Variants in LARGE1 observed in about 807,000 individuals in gnomAD.
LARGE1 encodes xylosyl- and glucuronyltransferase LARGE1.
In LARGE1, 43 loss-of-function variants were observed where a neutral mutation model predicts 87.6. The ratio of observed to expected loss-of-function variants is 0.49; its 90% CI spans 0.38 to 0.63. The LOEUF is 0.63. Ranked by LOEUF, LARGE1 falls within the 30% of genes least tolerant of loss-of-function variation. LARGE1 has a pLI of 0.00. For missense variants in LARGE1, 802 were observed against 1,000.2 expected (o/e 0.80, Z 2.67); for synonymous variants, 434 against 394.6 (o/e 1.10, Z -1.18).
At chr22:33,771,396 GAT>G (rs2085064941) in intron 1 of LARGE1, among the ~76,000 whole-genome samples, 1 of 152,112 alleles carries the variant, frequency 6.6e-6, no homozygotes, top group Admixed American at 6.5e-5. Flanking sequence ...CAGGCTGGCA[GAT>G]ATGTTTCAGT....
At chr22:33,670,696 T>C (rs1212062865) in intron 2 of LARGE1, among the ~76,000 whole-genome samples, 5 of 152,188 alleles carry the variant, frequency 3.3e-5, no homozygotes, top group East Asian at 3.9e-4. Flanking sequence ...GAACTTGCTA[T>C]GATAAAAAAC....
intron 2 of LARGE1, among the ~76,000 whole-genome samples, chr22:33,749,614 G>GT: frequency 6.6e-6 from 1 of 152,318 alleles, no homozygotes; most frequent in Middle Eastern, 3.4e-3. Flanking sequence ...TGTTTAGGCT[G>GT]TAAGCCAGCC....
At chr22:33,133,703 G>T in the LARGE1 span, among the ~76,000 whole-genome samples, 1 of 152,148 alleles carries the variant, frequency 6.6e-6, no homozygotes, top group African/African-American at 2.4e-5. Context: ...CCACTAATGG[G>T]ATTGCTGGGT....
intron 1 of LARGE1, among the ~76,000 whole-genome samples, chr22:33,902,897 C>T (rs2065324418): frequency 6.6e-6 from 1 of 152,106 alleles, no homozygotes; most frequent in Admixed American, 6.5e-5. Flanking sequence ...TTTGGAAGGC[C>T]AAGGCTGGTG....
At chr22:33,657,871 C>T (rs1350350045) in intron 2 of LARGE1, among the ~76,000 whole-genome samples, 2 of 151,892 alleles carry the variant, frequency 1.3e-5, no homozygotes, top group Non-Finnish European at 2.9e-5. Flanking sequence ...GTGTCTGCAT[C>T]GTCTCATTTT....
At position 33,581,682 on chromosome 22, in the gene LARGE1, C is replaced by T. The variant is rs534828966; in HGVS notation, c.616-16663G>A. Among the ~76,000 whole-genome samples, 321 of 151,840 alleles carry T rather than the reference C, an allele frequency of 2.1e-3. 1 individual carries two copies. Among genetic ancestry groups the T allele is most frequent in the Non-Finnish European group, 3.3e-3 (227 of 67,912 alleles). On this transcript the variant is annotated intron_variant, in intron 5 of 14. Coordinates refer to ENST00000397394, the MANE Select transcript of LARGE1 (RefSeq NM_133642.5). ...CAAAAATTAGCCGGGGGTGGTGGCA[C>T]GTGCCTGTAATCCCAGCTACTCAGG...
intron 9 of LARGE1, among the ~76,000 whole-genome samples, chr22:33,366,020 T>G (rs774847095): frequency 9.9e-5 from 15 of 152,244 alleles, no homozygotes; most frequent in Non-Finnish European, 1.5e-5. Flanking sequence ...TCTTGTTGAA[T>G]ACATACTTCT....
intron 2 of LARGE1, among the ~76,000 whole-genome samples, chr22:33,754,235 T>C (rs1371174306): frequency 6.6e-6 from 1 of 152,210 alleles, no homozygotes; most frequent in Non-Finnish European, 1.5e-5. Context: ...ATGTGTCACC[T>C]GGGCACTATT....
chr22:33,395,226 CAAAAAAAAAAA>C (rs3071528), intron 7 of LARGE1, among the ~76,000 whole-genome samples: 3 of 61,640 alleles, frequency 4.9e-5, no homozygotes, highest in Non-Finnish European at 9.2e-5. Flanking sequence ...GACTCTGCCT[CAAAAAAAAAAA>C]AAAAAAAAAA....
chr22:33,810,586 G>A (rs186958271), intron 1 of LARGE1, among the ~76,000 whole-genome samples: 139 of 152,224 alleles, frequency 9.1e-4, no homozygotes, highest in African/African-American at 3.2e-3. Flanking sequence ...ACCATTATGC[G>A]CCCTTTTCTC....
intron 9 of LARGE1, among the ~76,000 whole-genome samples, chr22:33,342,718 C>T (rs1327895177): frequency 6.6e-6 from 1 of 152,156 alleles, no homozygotes; most frequent in Non-Finnish European, 1.5e-5. Context: ...CTCATCAAGC[C>T]TCATCCCGCT....
chr22:33,477,951 C>A (rs1289441786), intron 6 of LARGE1, among the ~76,000 whole-genome samples: 1 of 152,198 alleles, frequency 6.6e-6, no homozygotes, highest in African/African-American at 2.4e-5. Context: ...ATCTGAGTCA[C>A]AGGTCTAACT....
chr22:33,914,438 A>C (rs1303729525), intron 1 of LARGE1, among the ~76,000 whole-genome samples: 4 of 152,202 alleles, frequency 2.6e-5, no homozygotes, highest in Non-Finnish European at 5.9e-5. Flanking sequence ...TAATTATGAA[A>C]TAATTACAAG....
chr22:33,270,569 A>G (rs1477080372), downstream of LARGE1, among the ~76,000 whole-genome samples: 2 of 152,154 alleles, frequency 1.3e-5, no homozygotes, highest in Non-Finnish European at 2.9e-5. Context: ...TACCTCCCTT[A>G]TTTTATAACA....
intron 4 of LARGE1, among the ~76,000 whole-genome samples, chr22:33,622,673 C>T (rs2079792665): frequency 6.6e-6 from 1 of 152,182 alleles, no homozygotes; most frequent in African/African-American, 2.4e-5. Flanking sequence ...GAATCTCTCC[C>T]CATATATGTA....
chr22:33,114,027 C>T, the LARGE1 span, among the ~76,000 whole-genome samples: 21 of 128,892 alleles, frequency 1.6e-4, no homozygotes, highest in African/African-American at 5.5e-4. Context: ...CACAGCACCA[C>T]GCCCAGCTAA....
chr22:33,501,214 T>C (rs958591990), intron 6 of LARGE1, among the ~76,000 whole-genome samples: 1 of 152,220 alleles, frequency 6.6e-6, no homozygotes, highest in African/African-American at 2.4e-5. Context: ...ACGAAGCTAA[T>C]GTAGCTTTTC....
At chr22:33,080,464 T>G in the LARGE1 span, among the ~76,000 whole-genome samples, 1 of 152,182 alleles carries the variant, frequency 6.6e-6, no homozygotes, top group South Asian at 2.1e-4. Flanking sequence ...TGTTTCAGAT[T>G]TTATGTCAGA....
At chr22:33,691,960 C>T (rs533844865) in intron 2 of LARGE1, among the ~76,000 whole-genome samples, 1 of 152,152 alleles carries the variant, frequency 6.6e-6, no homozygotes, top group East Asian at 1.9e-4. Context: ...AAGTATCTCC[C>T]TCATTACATC....
Sources: allele counts gnomAD v4.1 joint callset (sites outside exome capture counted in the v4.1 genomes callset), GRCh38; gene constraint gnomAD v4.1.1; transcripts MANE v1.5; gene names NCBI Gene and HGNC (gene_info 2026-07-23, HGNC 2026-07-21).